Variants in PIK3C3 observed in about 807,000 individuals in gnomAD.
PIK3C3 encodes the protein PI3-kinase type 3.
Under a neutral mutation model 126.1 loss-of-function variants are expected in PIK3C3, and 95 were observed. The ratio of observed to expected loss-of-function variants is 0.75; its 90% CI spans 0.64 to 0.89. The LOEUF (loss-of-function observed/expected upper bound fraction) is 0.89. PIK3C3 is among the 40% of genes least tolerant of loss of function. PIK3C3 has a pLI of 0.00. For missense variants in PIK3C3, 829 were observed against 1,063.2 expected (o/e 0.78, Z 3.06); for synonymous variants, 374 against 360.0 (o/e 1.04, Z -0.44).
chr18:42,031,422 C>T (rs1310539830), intron 15 of PIK3C3, among the ~76,000 whole-genome samples: 1 of 151,996 alleles, frequency 6.6e-6, no homozygotes, highest in Non-Finnish European at 1.5e-5. Context: ...CCTTTTTCAT[C>T]TACTTTTTTT....
intron 10 of PIK3C3, among the ~76,000 whole-genome samples, chr18:42,009,334 G>A (rs1165509475): frequency 6.6e-6 from 1 of 152,102 alleles, no homozygotes; most frequent in Non-Finnish European, 1.5e-5. Flanking sequence ...GAAGTCATAT[G>A]TATTACTCTT....
At chr18:41,990,340 T>C (rs17662288) in intron 5 of PIK3C3, 119 bp from the exon 6 acceptor site, 40,202 of 649,938 alleles carry the variant, frequency 0.062, 1,505 homozygotes, top group Non-Finnish European at 0.075. Context: ...AAATGTGTTA[T>C]GTTTTGACTT....
At chr18:42,074,689 G>A (rs1389294630) in intron 24 of PIK3C3, among the ~76,000 whole-genome samples, 1 of 152,010 alleles carries the variant, frequency 6.6e-6, no homozygotes, top group East Asian at 1.9e-4. Context: ...TGTTTTTATA[G>A]CATTACTTTA....
intron 21 of PIK3C3, among the ~76,000 whole-genome samples, chr18:42,056,305 C>T (rs904651289): frequency 1.3e-5 from 2 of 151,928 alleles, no homozygotes; most frequent in African/African-American, 4.8e-5. Flanking sequence ...AAGTAGTAAT[C>T]CTGTTGTTTG....
At chr18:42,070,543 GT>G (rs1038282438) in intron 24 of PIK3C3, 8 of 152,070 alleles carry the variant, frequency 5.3e-5, no homozygotes, top group African/African-American at 1.9e-4. Flanking sequence ...AAAAGTAGTA[GT>G]TTTTAGGGGG....
intron 6 of PIK3C3, among the ~76,000 whole-genome samples, chr18:41,991,345 A>G (rs1981767555): frequency 6.6e-6 from 1 of 152,170 alleles, no homozygotes; most frequent in Non-Finnish European, 1.5e-5. Context: ...CAACATGGCG[A>G]GACTCCATCT....
intron 10 of PIK3C3, among the ~76,000 whole-genome samples, chr18:42,009,454 A>G (rs1982698375): frequency 6.6e-6 from 1 of 152,214 alleles, no homozygotes; most frequent in African/African-American, 2.4e-5. Flanking sequence ...GGTTTGATCC[A>G]GACCTCTGCA....
At chr18:42,067,247 G>C in intron 23 of PIK3C3, 141 bp from the exon 24 acceptor site, 1 of 712,698 alleles carries the variant, frequency 1.4e-6, no homozygotes, top group South Asian at 1.9e-5. Flanking sequence ...ATGCCATTCA[G>C]AATTCTAATA....
At chr18:41,994,773 A>C (rs1405777247) in intron 7 of PIK3C3, among the ~76,000 whole-genome samples, 1 of 152,150 alleles carries the variant, frequency 6.6e-6, no homozygotes, top group African/African-American at 2.4e-5. Context: ...ATGGTGGCTC[A>C]TGCTTGTAAT....
intron 21 of PIK3C3, chr18:42,057,661 T>A (rs1332746189): frequency 4.3e-6 from 2 of 469,798 alleles, no homozygotes; most frequent in Non-Finnish European, 7.4e-6. Flanking sequence ...GTGACATGAT[T>A]TTAGGCATAG....
At chr18:42,077,572 T>C (rs1170640458) in intron 24 of PIK3C3, among the ~76,000 whole-genome samples, 2 of 152,246 alleles carry the variant, frequency 1.3e-5, no homozygotes, top group African/African-American at 4.8e-5. Flanking sequence ...GCTCAAGTTT[T>C]ATCATGAGAC....
chr18:42,003,827 A>G (rs959856512), intron 9 of PIK3C3, among the ~76,000 whole-genome samples: 1 of 152,200 alleles, frequency 6.6e-6, no homozygotes, highest in South Asian at 2.1e-4. Flanking sequence ...GTTACTTCAC[A>G]GAGATACGTA....
intron 9 of PIK3C3, among the ~76,000 whole-genome samples, chr18:42,003,717 A>AC (rs1323507969): frequency 1.3e-5 from 2 of 152,236 alleles, no homozygotes; most frequent in Non-Finnish European, 1.5e-5. Context: ...AGAAAGATGT[A>AC]CAACCAGCCA....
chr18:42,040,592 A>G (rs1158394027), intron 18 of PIK3C3, 85 bp from the exon 19 acceptor site: 1 of 884,892 alleles, frequency 1.1e-6, no homozygotes, highest in Non-Finnish European at 1.8e-6. Context: ...ATTTATTCAG[A>G]GATGAGGATT....
chr18:42,065,878 A>G (rs1352227836), intron 23 of PIK3C3, among the ~76,000 whole-genome samples: 2 of 152,226 alleles, frequency 1.3e-5, no homozygotes, highest in African/African-American at 4.8e-5. Context: ...CTTTGGTATA[A>G]AAGAGAATAT....
intron 23 of PIK3C3, 31 bp from the exon 24 acceptor site, chr18:42,067,357 C>T (rs1433715169): frequency 3.1e-6 from 5 of 1,605,628 alleles, no homozygotes; most frequent in Non-Finnish European, 4.3e-6. Context: ...TATTTTTCTT[C>T]GTTGTAAAGA....
At chr18:42,029,535 T>A (rs924876684) in intron 15 of PIK3C3, 94 bp downstream of exon 15, 1 of 38,736 alleles carries the variant, frequency 2.6e-5, no homozygotes, top group Admixed American at 3.7e-4. Context: ...GATACGTGAA[T>A]TTTTTTTTTT....
chr18:42,076,478 G>A (rs1034059000), intron 24 of PIK3C3, among the ~76,000 whole-genome samples: 2 of 152,016 alleles, frequency 1.3e-5, no homozygotes, highest in Non-Finnish European at 2.9e-5. Context: ...TAGGATAAAT[G>A]TGGGATAACA....
chr18:42,014,069 G>A (rs746978942), intron 11 of PIK3C3, among the ~76,000 whole-genome samples: 8 of 151,948 alleles, frequency 5.3e-5, no homozygotes, highest in Non-Finnish European at 7.4e-5. Flanking sequence ...CACTTTAAAG[G>A]CTGAGGTGTG....
Sources: allele counts gnomAD v4.1 joint callset (sites outside exome capture counted in the v4.1 genomes callset), GRCh38; gene constraint gnomAD v4.1.1; transcripts MANE v1.5; gene names NCBI Gene and HGNC (gene_info 2026-07-23, HGNC 2026-07-21).